Variants in WWC2 observed in about 807,000 individuals in gnomAD.
WWC2 encodes protein WWC2.
A neutral mutation model predicts 138.5 loss-of-function variants in WWC2; 101 were observed. The observed-to-expected ratio is 0.73, with a 90% confidence interval of 0.62 to 0.86. The LOEUF (loss-of-function observed/expected upper bound fraction) is 0.86, where lower values mean the gene tolerates loss of function less well. Among genes scored for constraint, WWC2 ranks in the 40% least tolerant of loss-of-function variants. The pLI is 0.00. For synonymous variants in WWC2, 558 were observed against 538.4 expected, an observed-to-expected ratio of 1.04 and a Z score of -0.50; for missense variants, 1,420 against 1,419.4, an observed-to-expected ratio of 1.00 and a Z score of -0.01.
intron 16 of WWC2, among the ~76,000 whole-genome samples, chr4:183,278,095 G>C (rs1737922738): frequency 6.6e-6 from 1 of 152,046 alleles, no homozygotes; most frequent in Non-Finnish European, 1.5e-5. Context: ...TTCTTCTAGG[G>C]TTTTTATGGT....
Position 183,280,767 on chromosome 4 carries a change from A to G in WWC2, c.2563-9A>G. 6.3e-7 allele frequency: 1 copy of G among 1,599,262 alleles called. No individual in the cohort carries two copies. The highest frequency in any genetic ancestry group is 1.1e-5 in the South Asian group (1 of 88,178). On this transcript the variant is annotated splice_polypyrimidine_tract_variant and intron_variant, in intron 16 of 22. Transcript: ENST00000403733. ...TTATGTTAATTGCCGTATGCTTTAC[A>G]TTCTTCAGGATGCAGTGTCAGCCTT...
chr4:183,262,702 T>A (rs1737368108), intron 11 of WWC2, among the ~76,000 whole-genome samples: 1 of 152,168 alleles, frequency 6.6e-6, no homozygotes, highest in Admixed American at 6.5e-5. Context: ...ATGGTGTGTG[T>A]ACATAATGGC....
chr4:183,109,439 T>A (rs1004285342), intron 1 of WWC2, among the ~76,000 whole-genome samples: 3 of 152,162 alleles, frequency 2.0e-5, no homozygotes, highest in Admixed American at 2.0e-4. Context: ...CAGGGACTGG[T>A]TTTGTGGAAG....
At chr4:183,290,622 TTCTC>T (rs559323085) in intron 21 of WWC2, among the ~76,000 whole-genome samples, 2 of 152,250 alleles carry the variant, frequency 1.3e-5, no homozygotes, top group Non-Finnish European at 2.9e-5. Context: ...TTGATTTACT[TTCTC>T]AAGAGTACAA....
chr4:183,295,219 C>T (rs1321546963), intron 21 of WWC2, among the ~76,000 whole-genome samples: 1 of 152,222 alleles, frequency 6.6e-6, no homozygotes, highest in African/African-American at 2.4e-5. Context: ...CCTAGGGAAG[C>T]AGCGAGGCTA....
chr4:183,190,947 A>G (rs1450184716), intron 1 of WWC2, among the ~76,000 whole-genome samples: 1 of 152,232 alleles, frequency 6.6e-6, no homozygotes, highest in Admixed American at 6.5e-5. Flanking sequence ...ATACTGGTCT[A>G]ATATTTCTCT....
chr4:183,184,433 A>G (rs984956580), intron 1 of WWC2, among the ~76,000 whole-genome samples: 7 of 152,170 alleles, frequency 4.6e-5, no homozygotes, highest in African/African-American at 7.2e-5. Flanking sequence ...TAATGCTGCT[A>G]TGATCATGCA....
intron 1 of WWC2, among the ~76,000 whole-genome samples, chr4:183,110,794 A>T (rs988739997): frequency 2.0e-5 from 3 of 152,168 alleles, no homozygotes. Context: ...GAAGGCAAAG[A>T]GGCTTTCCTT....
At chr4:183,155,221 A>AGAGAGAGAGAGAGAGAGAGAGAGAGT (rs61543148) in intron 1 of WWC2, among the ~76,000 whole-genome samples, 2 of 135,182 alleles carry the variant, frequency 1.5e-5, no homozygotes, top group African/African-American at 5.5e-5. Flanking sequence ...AGAGAGAGAG[A>AGAGAGAGAGAGAGAGAGAGAGAGAGT]GAGTTAGTTG....
At chr4:183,230,461 G>A (rs930797064) in intron 4 of WWC2, among the ~76,000 whole-genome samples, 3 of 152,202 alleles carry the variant, frequency 2.0e-5, no homozygotes, top group African/African-American at 7.2e-5. Flanking sequence ...TGGATCACTT[G>A]AGGTCAGGAG....
intron 4 of WWC2, among the ~76,000 whole-genome samples, chr4:183,220,365 A>C (rs1735886555): frequency 6.6e-6 from 1 of 152,148 alleles, no homozygotes; most frequent in African/African-American, 2.4e-5. Flanking sequence ...CTCATATAGC[A>C]GGCCATGTGC....
intron 1 of WWC2, among the ~76,000 whole-genome samples, chr4:183,116,483 G>A (rs1732411806): frequency 6.6e-6 from 1 of 152,182 alleles, no homozygotes; most frequent in Non-Finnish European, 1.5e-5. Context: ...CTTGTCTAAG[G>A]GCACAAAGCT....
intron 4 of WWC2, among the ~76,000 whole-genome samples, chr4:183,230,799 A>G (rs962050847): frequency 7.0e-6 from 1 of 143,012 alleles, no homozygotes; most frequent in Non-Finnish European, 1.5e-5. Context: ...AAAAGTAAGA[A>G]GAGAAAATGA....
chr4:183,229,423 C>T (rs1736175680), intron 4 of WWC2, among the ~76,000 whole-genome samples: 1 of 152,012 alleles, frequency 6.6e-6, no homozygotes, highest in African/African-American at 2.4e-5. Context: ...TTTGGTACCT[C>T]TTTCTTCTTG....
chr4:183,184,493 C>T (rs1300267971), intron 1 of WWC2, among the ~76,000 whole-genome samples: 1 of 152,100 alleles, frequency 6.6e-6, no homozygotes, highest in Non-Finnish European at 1.5e-5. Flanking sequence ...TAGAAGTAGA[C>T]CTAGAAGTAG....
chr4:183,201,534 C>T (rs577006949), intron 2 of WWC2, among the ~76,000 whole-genome samples: 1 of 152,236 alleles, frequency 6.6e-6, no homozygotes, highest in South Asian at 2.1e-4. Context: ...TAGAGTCATC[C>T]CTTATCCCTA....
chr4:183,185,458 G>A (rs1030860693), intron 1 of WWC2, among the ~76,000 whole-genome samples: 2 of 152,166 alleles, frequency 1.3e-5, no homozygotes, highest in Admixed American at 6.5e-5. Flanking sequence ...ACGTAAAAAA[G>A]AGGAAAGTAT....
chr4:183,201,949 T>G (rs1735310563), intron 2 of WWC2, among the ~76,000 whole-genome samples: 1 of 152,124 alleles, frequency 6.6e-6, no homozygotes, highest in Admixed American at 6.6e-5. Flanking sequence ...TTTATTATAG[T>G]TCTCAAGGGA....
At chr4:183,206,067 T>C (rs1008750685) in intron 2 of WWC2, among the ~76,000 whole-genome samples, 9 of 152,064 alleles carry the variant, frequency 5.9e-5, no homozygotes, top group African/African-American at 1.9e-4. Context: ...CAGCAGTGCC[T>C]CCTTTCTCTG....
Sources: gnomAD v4.1 joint callset for allele counts (sites outside exome capture counted in the v4.1 genomes callset) on GRCh38, gnomAD v4.1.1 for gene constraint, MANE v1.5 for transcripts, NCBI Gene and HGNC (gene_info 2026-07-23, HGNC 2026-07-21) for gene names.